MAGI2: variants seen among roughly 807,000 people sequenced by gnomAD.
The protein encoded by MAGI2 is membrane associated guanylate kinase, WW and PDZ domain containing 2, also known as membrane-associated guanylate kinase, WW and PDZ domain-containing protein 2.
A neutral mutation model predicts 133.3 loss-of-function variants in MAGI2; 35 were observed. The observed-to-expected ratio is 0.26, with a 90% CI of 0.20 to 0.35. The LOEUF (loss-of-function observed/expected upper bound fraction) is 0.35. Among genes scored for constraint, MAGI2 ranks in the 10% least tolerant of loss-of-function variants. The pLI is 1.00. For missense variants in MAGI2, 1,636 were observed against 1,863.4 expected (o/e 0.88, Z 2.25); for synonymous variants, 729 against 710.6 (o/e 1.03, Z -0.41).
At chr7:78,430,322 T>G (rs1418782218) in intron 6 of MAGI2, among the ~76,000 whole-genome samples, 1 of 147,864 alleles carries the variant, frequency 6.8e-6, no homozygotes, top group Non-Finnish European at 1.5e-5. Context: ...AAAGCCTGCA[T>G]GTAAATATGC....
chr7:79,248,599 A>G (rs1832987048), intron 1 of MAGI2, among the ~76,000 whole-genome samples: 1 of 152,196 alleles, frequency 6.6e-6, no homozygotes, highest in Admixed American at 6.5e-5. Context: ...TCATTCTCAA[A>G]GACAAATCAT....
intron 10 of MAGI2, among the ~76,000 whole-genome samples, chr7:78,236,671 T>G (rs1790574712): frequency 6.6e-6 from 1 of 152,200 alleles, no homozygotes. Context: ...GGTGTGCATT[T>G]AAGGTGTTAG....
At chr7:78,542,530 G>T (rs1032242257) in intron 3 of MAGI2, among the ~76,000 whole-genome samples, 56 of 152,202 alleles carry the variant, frequency 3.7e-4, no homozygotes. Context: ...AGACAGATTG[G>T]GTAAGAATGG....
At chr7:78,394,216 TC>T (rs1278933265) in intron 6 of MAGI2, among the ~76,000 whole-genome samples, 1 of 152,188 alleles carries the variant, frequency 6.6e-6, no homozygotes, top group Non-Finnish European at 1.5e-5. Context: ...TATCTGGGCA[TC>T]CCTTACCTCA....
chr7:78,041,052 A>G (rs1439080663), intron 21 of MAGI2, among the ~76,000 whole-genome samples: 1 of 152,094 alleles, frequency 6.6e-6, no homozygotes, highest in African/African-American at 2.4e-5. Context: ...CTCCTTTAGT[A>G]CCAAAGACCA....
intron 10 of MAGI2, among the ~76,000 whole-genome samples, chr7:78,239,710 C>T (rs571987861): frequency 9.2e-5 from 14 of 152,304 alleles, no homozygotes; most frequent in East Asian, 5.8e-4. Context: ...AAGGCAGTAT[C>T]GCCTCGCTCC....
At chr7:79,316,616 G>T (rs1838742101) in intron 1 of MAGI2, among the ~76,000 whole-genome samples, 1 of 152,116 alleles carries the variant, frequency 6.6e-6, no homozygotes, top group African/African-American at 2.4e-5. Flanking sequence ...TATTCGGAAG[G>T]TCAATAACCT....
At chr7:78,861,825 T>C (rs947050894) in intron 2 of MAGI2, among the ~76,000 whole-genome samples, 1 of 152,234 alleles carries the variant, frequency 6.6e-6, no homozygotes, top group Non-Finnish European at 1.5e-5. Flanking sequence ...TAGCATTGCT[T>C]TTCAATTCCC....
At chr7:78,973,445 G>GAA (rs753335790) in intron 2 of MAGI2, among the ~76,000 whole-genome samples, 29 of 151,838 alleles carry the variant, frequency 1.9e-4, no homozygotes, top group Non-Finnish European at 3.2e-4. Flanking sequence ...TTGATGGATA[G>GAA]AATTTCCATT....
intron 4 of MAGI2, among the ~76,000 whole-genome samples, chr7:78,520,356 T>C (rs1166252121): frequency 2.0e-5 from 3 of 152,046 alleles, no homozygotes; most frequent in African/African-American, 4.8e-5. Flanking sequence ...GCATAAAAAT[T>C]CCAATACTAT....
intron 9 of MAGI2, among the ~76,000 whole-genome samples, chr7:78,286,655 GGC>G (rs1247484345): frequency 3.9e-5 from 6 of 152,036 alleles, no homozygotes; most frequent in Non-Finnish European, 8.8e-5. Flanking sequence ...GGGCTGTGGG[GGC>G]ATGTCTGGGG....
At chr7:78,227,266 C>A (rs1423298541) in intron 10 of MAGI2, among the ~76,000 whole-genome samples, 1 of 152,224 alleles carries the variant, frequency 6.6e-6, no homozygotes, top group Non-Finnish European at 1.5e-5. Context: ...TGATAAAACA[C>A]CTACACTGGT....
At chr7:79,452,847 T>C in intron 1 of MAGI2, 173 bp downstream of exon 1, 2 of 662,634 alleles carry the variant, frequency 3.0e-6, no homozygotes, top group Admixed American at 6.3e-5. Context: ...CCCCTCCCTT[T>C]AGCCCCCAAG....
intron 10 of MAGI2, among the ~76,000 whole-genome samples, chr7:78,202,645 T>C (rs1829356193): frequency 7.6e-6 from 1 of 132,378 alleles, no homozygotes; most frequent in Admixed American, 9.1e-5. Flanking sequence ...ATCCCGCCAC[T>C]GTACTCCAGC....
chr7:78,965,314 A>G (rs1028204396), intron 2 of MAGI2, among the ~76,000 whole-genome samples: 1 of 151,860 alleles, frequency 6.6e-6, no homozygotes, highest in South Asian at 2.1e-4. Flanking sequence ...TAACTTGTTG[A>G]AAAGTTATGT....
intron 6 of MAGI2, among the ~76,000 whole-genome samples, chr7:78,465,647 T>C (rs1176390683): frequency 6.6e-6 from 1 of 152,184 alleles, no homozygotes; most frequent in Non-Finnish European, 1.5e-5. Context: ...TAGTTTCTTT[T>C]CTGAAAAAGA....
At chr7:78,691,135 C>A (rs1478924809) in intron 2 of MAGI2, among the ~76,000 whole-genome samples, 1 of 152,132 alleles carries the variant, frequency 6.6e-6, no homozygotes, top group South Asian at 2.1e-4. Context: ...ACTTTTTAAC[C>A]TGGATAACCT....
At chr7:79,087,938 C>T (rs1278825992) in intron 1 of MAGI2, among the ~76,000 whole-genome samples, 2 of 152,044 alleles carry the variant, frequency 1.3e-5, no homozygotes, top group African/African-American at 4.8e-5. Flanking sequence ...GTGATGCCTC[C>T]AGCTTTGTTC....
At chr7:79,372,801 G>A (rs1349992319) in intron 1 of MAGI2, among the ~76,000 whole-genome samples, 1 of 152,032 alleles carries the variant, frequency 6.6e-6, no homozygotes, top group Non-Finnish European at 1.5e-5. Context: ...AAGACTCAAA[G>A]AAAATAGAAT....
Sources: allele counts gnomAD v4.1 joint callset (sites outside exome capture counted in the v4.1 genomes callset), GRCh38; gene constraint gnomAD v4.1.1; transcripts MANE v1.5; gene names NCBI Gene and HGNC (gene_info 2026-07-23, HGNC 2026-07-21).